The following EDA variants were observed in gnomAD, a reference collection of about 807,000 sequenced individuals.
EDA encodes ectodysplasin A.
In EDA, 2 loss-of-function variants were observed where a neutral mutation model predicts 23.6. The observed-to-expected ratio is 0.08, with a 90% CI of 0.03 to 0.27. EDA has a LOEUF of 0.27. EDA is among the 10% of genes least tolerant of loss of function. The pLI, the probability that EDA is intolerant of heterozygous loss-of-function variation, is 1.00. For missense variants in EDA, 229 were observed against 324.2 expected (o/e 0.71, Z 2.26); for synonymous variants, 131 against 132.0 (o/e 0.99, Z 0.05).
At chrX:69,950,997 C>T (rs1023975799) in intron 1 of EDA, among the ~76,000 whole-genome samples, 3 of 102,391 alleles carry the variant, frequency 2.9e-5, no homozygotes, top group African/African-American at 7.2e-5. Context: ...TGGTAGATGA[C>T]GAGTTAGTGG....
chrX:69,714,853 G>A, intron 1 of EDA, among the ~76,000 whole-genome samples: 1 of 110,083 alleles, frequency 9.1e-6, no homozygotes, highest in Middle Eastern at 4.6e-3. Flanking sequence ...CTTTTCCAGG[G>A]TTGTTCTACC....
At chrX:70,018,212 A>G (rs1245564015) in intron 2 of EDA, among the ~76,000 whole-genome samples, 3 of 112,232 alleles carry the variant, frequency 2.7e-5, no homozygotes, top group Non-Finnish European at 5.6e-5. Flanking sequence ...ACACAAACAA[A>G]TGGAAAAAAC....
intron 1 of EDA, among the ~76,000 whole-genome samples, chrX:69,855,286 T>C (rs1005871109): frequency 3.6e-5 from 4 of 112,171 alleles, no homozygotes; most frequent in African/African-American, 6.5e-5. Context: ...TTTCCTTTGC[T>C]CTGCAGAAGC....
At chrX:69,822,674 G>A (rs1330914956) in intron 1 of EDA, among the ~76,000 whole-genome samples, 2 of 111,563 alleles carry the variant, frequency 1.8e-5, no homozygotes, top group Non-Finnish European at 3.8e-5. Flanking sequence ...ACATCCTGTT[G>A]TTATGTTATT....
intron 1 of EDA, among the ~76,000 whole-genome samples, chrX:69,651,190 AC>A (rs1252479799): frequency 1.8e-5 from 2 of 111,752 alleles, no homozygotes; most frequent in East Asian, 5.6e-4. Context: ...TTGAATTTTG[AC>A]CTAAGTAAAA....
At chrX:70,029,912 T>G (rs999311473) in intron 5 of EDA, among the ~76,000 whole-genome samples, 1 of 112,123 alleles carries the variant, frequency 8.9e-6, no homozygotes, top group African/African-American at 3.2e-5. Context: ...GATCCGGAGC[T>G]GAAGAGTTGA....
intron 1 of EDA, among the ~76,000 whole-genome samples, chrX:69,847,326 A>G (rs1386091437): frequency 4.5e-5 from 5 of 111,547 alleles, no homozygotes; most frequent in South Asian, 7.6e-4. Flanking sequence ...AAATTAGCAT[A>G]CAGTAAAATG....
At chrX:69,631,444 G>A (rs891401004) in intron 1 of EDA, among the ~76,000 whole-genome samples, 1 of 104,541 alleles carries the variant, frequency 9.6e-6, no homozygotes, top group African/African-American at 3.5e-5. Context: ...TCCACACCCC[G>A]CTCCTTGAGA....
intron 1 of EDA, among the ~76,000 whole-genome samples, chrX:69,869,035 A>G (rs1485163084): frequency 1.6e-4 from 18 of 111,712 alleles, no homozygotes; most frequent in Non-Finnish European, 5.7e-5. Flanking sequence ...AATCTCTGCA[A>G]TCCCGCCACT....
intron 1 of EDA, among the ~76,000 whole-genome samples, chrX:69,753,705 G>T (rs1015051650): frequency 9.0e-6 from 1 of 111,580 alleles, no homozygotes; most frequent in Non-Finnish European, 1.9e-5. Context: ...TTGTCTGGGT[G>T]TCTAAGTCTC....
At chrX:69,702,575 G>T (rs1324806675) in intron 1 of EDA, among the ~76,000 whole-genome samples, 1 of 110,123 alleles carries the variant, frequency 9.1e-6, no homozygotes. Context: ...TAAAGAGGAG[G>T]CTTGGGGGAC....
At position 70,035,803 on chromosome X, in the gene EDA, C is replaced by T. The variant is rs1418255512; in HGVS notation, c.*194C>T. ...ACTTTCCAGAATGACCTTGAGTTAA[C>T]AGGACAGTTGATGGAGCCCCAGGGT... On this transcript the variant is annotated 3_prime_UTR_variant, in exon 8 of 8. Transcript: ENST00000374552. The T allele has an allele frequency of 2.0e-6, 1 of 490,296 alleles. No homozygotes were observed. The highest frequency in any genetic ancestry group is 3.4e-6 in the Non-Finnish European group (1 of 296,882). 40.4% of individuals were successfully genotyped at this position (490,296 alleles called of 1,213,427 possible).
chrX:69,901,281 C>T (rs1294427845), intron 1 of EDA, among the ~76,000 whole-genome samples: 1 of 111,974 alleles, frequency 8.9e-6, no homozygotes, highest in African/African-American at 3.2e-5. Flanking sequence ...TAGCCTACAA[C>T]CTGTGAAAGG....
At chrX:69,798,455 A>G (rs1227449486) in intron 1 of EDA, among the ~76,000 whole-genome samples, 1 of 111,814 alleles carries the variant, frequency 8.9e-6, no homozygotes, top group Non-Finnish European at 1.9e-5. Flanking sequence ...AATTGGAATC[A>G]TACAAAGTAT....
At chrX:69,782,388 A>G (rs1025337668) in intron 1 of EDA, among the ~76,000 whole-genome samples, 2 of 99,858 alleles carry the variant, frequency 2.0e-5, no homozygotes, top group Non-Finnish European at 4.2e-5. Context: ...AAAAAAAAAA[A>G]AAAACATTAA....
intron 1 of EDA, among the ~76,000 whole-genome samples, chrX:69,773,398 G>A (rs777374111): frequency 2.1e-4 from 23 of 111,531 alleles, no homozygotes; most frequent in Non-Finnish European, 3.8e-4. Context: ...TATTTGTGTC[G>A]CTGCTTTCAA....
At chrX:69,668,733 C>T (rs946187144) in intron 1 of EDA, among the ~76,000 whole-genome samples, 2 of 110,081 alleles carry the variant, frequency 1.8e-5, no homozygotes, top group Non-Finnish European at 3.8e-5. Context: ...TCCACCACCA[C>T]GCCCAGCTAA....
intron 1 of EDA, among the ~76,000 whole-genome samples, chrX:69,723,305 G>T (rs778079012): frequency 3.6e-4 from 40 of 112,013 alleles, no homozygotes; most frequent in Non-Finnish European, 6.4e-4. Flanking sequence ...TGGGTACCCA[G>T]CTTGCTTCTA....
At chrX:69,728,652 A>C (rs1479375777) in intron 1 of EDA, among the ~76,000 whole-genome samples, 3 of 111,792 alleles carry the variant, frequency 2.7e-5, no homozygotes, top group Non-Finnish European at 5.6e-5. Flanking sequence ...ATGTATTGGC[A>C]GATAATTGAC....
Sources: allele counts gnomAD v4.1 joint callset (sites outside exome capture counted in the v4.1 genomes callset), GRCh38; gene constraint gnomAD v4.1.1; transcripts MANE v1.5; gene names NCBI Gene and HGNC (gene_info 2026-07-23, HGNC 2026-07-21).